HMGA2: variants seen among roughly 807,000 people sequenced by gnomAD.
The protein encoded by HMGA2 is high mobility group protein HMGI-C.
In HMGA2, 8 loss-of-function variants were observed where a neutral mutation model predicts 19.1. That is an observed-to-expected ratio of 0.42 (90% confidence interval 0.25 to 0.76). HMGA2 has a LOEUF of 0.76. HMGA2 is among the 30% of genes least tolerant of loss of function. HMGA2 has a pLI of 0.28. For missense variants in HMGA2, 109 were observed against 136.3 expected (o/e 0.80, Z 1.00); for synonymous variants, 60 against 48.8 (o/e 1.23, Z -0.96).
At chr12:65,949,768 C>A (rs961902208) in intron 3 of HMGA2, among the ~76,000 whole-genome samples, 1 of 152,142 alleles carries the variant, frequency 6.6e-6, no homozygotes, top group East Asian at 1.9e-4. Flanking sequence ...CATGATACCA[C>A]GAAGAAACTG....
chr12:65,876,236 AT>A lies in HMGA2; in HGVS notation c.249+37668del, dbSNP rs1873021240. Among the ~76,000 whole-genome samples, 3 of 151,528 alleles carry A rather than the reference AT, an allele frequency of 2.0e-5. No homozygotes were observed. In the South Asian group the frequency reaches 6.3e-4, roughly 32 times the overall value. ...TAAGGCCTGTTTTTTCAAAAAAAAAATGTATATATAGAAAAAAAAATAGAAG... is the reference window on the plus strand; with the variant it reads ...TAAGGCCTGTTTTTTCAAAAAAAAAAGTATATATAGAAAAAAAAATAGAAG... On this transcript the variant is annotated intron_variant, in intron 3 of 4. Transcript: ENST00000403681.
intron 3 of HMGA2, among the ~76,000 whole-genome samples, chr12:65,938,397 T>G (rs1875969314): frequency 6.6e-6 from 1 of 152,192 alleles, no homozygotes; most frequent in Admixed American, 6.5e-5. Context: ...GGTGGGCTAT[T>G]TGAGACTCAT....
At chr12:65,827,280 A>G (rs2258238) in intron 1 of HMGA2, among the ~76,000 whole-genome samples, 4 of 152,080 alleles carry the variant, frequency 2.6e-5, no homozygotes, top group Non-Finnish European at 4.4e-5. Flanking sequence ...TTTGAAGAAA[A>G]TATGTTTATT....
At chr12:65,898,885 A>G (rs1266825460) in intron 3 of HMGA2, among the ~76,000 whole-genome samples, 1 of 152,002 alleles carries the variant, frequency 6.6e-6, no homozygotes, top group Non-Finnish European at 1.5e-5. Context: ...TCTACTAAAA[A>G]TACAAAAAAT....
At chr12:65,905,182 TCA>T (rs139108942) in intron 3 of HMGA2, among the ~76,000 whole-genome samples, 84 of 149,120 alleles carry the variant, frequency 5.6e-4, no homozygotes, top group East Asian at 3.1e-3. Flanking sequence ...ATTGACTTTA[TCA>T]CACACACACA....
Position 65,824,713 on chromosome 12 carries a change from T to TTCTCTCTCTCTCTCTCTCTCTCTGTC in HMGA2, c.-535_-534insGTCTCTCTCTCTCTCTCTCTCTCTCT, listed in dbSNP as rs1870024401. 5 of 129,218 alleles carry TTCTCTCTCTCTCTCTCTCTCTCTGTC rather than the reference T, an allele frequency of 3.9e-5. No homozygotes were observed. Among genetic ancestry groups the TTCTCTCTCTCTCTCTCTCTCTCTGTC allele is most frequent in the African/African-American group, 1.4e-4 (4 of 28,692 alleles). 8.0% of individuals were successfully genotyped at this position (129,218 alleles called of 1,614,324 possible). On this transcript the variant is annotated 5_prime_UTR_variant, in exon 1 of 5. Transcript: ENST00000403681. ...CCAAGGCACTTTCAATCTCAATCTCTTCTCTCTCTCTCTCTCTCTCTCTCT... is the reference window on the plus strand; with the variant it reads ...CCAAGGCACTTTCAATCTCAATCTCTTCTCTCTCTCTCTCTCTCTCTCTGTCTCTCTCTCTCTCTCTCTCTCTCTCT...
At chr12:65,855,954 A>C (rs1871721202) in intron 3 of HMGA2, 1 of 151,680 alleles carries the variant, frequency 6.6e-6, no homozygotes, top group South Asian at 2.1e-4. Context: ...ATTACAAGTG[A>C]TATTCTTTAT....
chr12:65,960,110 C>T (rs965511648), intron 4 of HMGA2, among the ~76,000 whole-genome samples: 1 of 152,116 alleles, frequency 6.6e-6, no homozygotes, highest in Non-Finnish European at 1.5e-5. Context: ...AGGATGGTCT[C>T]GATCTCCTGA....
At chr12:65,862,716 T>C (rs1033741136) in intron 3 of HMGA2, among the ~76,000 whole-genome samples, 3 of 152,164 alleles carry the variant, frequency 2.0e-5, no homozygotes, top group Admixed American at 6.5e-5. Context: ...ACTCATGTAC[T>C]TAGTGTGTGT....
intron 3 of HMGA2, among the ~76,000 whole-genome samples, chr12:65,877,777 GT>G (rs971782514): frequency 8.0e-4 from 117 of 146,550 alleles, no homozygotes; most frequent in African/African-American, 2.2e-3. Context: ...GACCTGCCTG[GT>G]TTTTTTTTTA....
In HMGA2 at chr12:65,857,681, C is replaced by A. The variant is rs193253276; in HGVS notation, c.249+19112C>A. Reference sequence around the variant, plus strand: ...ATTTGGGAGGAAATTTCCAAATAACCTTTATTTGCACCTTAAAAAAATAGT... The same window carrying A: ...ATTTGGGAGGAAATTTCCAAATAACATTTATTTGCACCTTAAAAAAATAGT... On this transcript the variant is annotated intron_variant, in intron 3 of 4. Coordinates refer to ENST00000403681, the MANE Select transcript of HMGA2 (RefSeq NM_003483.6). The A allele has an allele frequency of 2.2e-4, 34 of 152,252 alleles. 1 individual carries two copies. The highest frequency in any genetic ancestry group is 8.2e-4 in the African/African-American group (34 of 41,556). The allele number at this position is 152,252 out of a possible 1,614,324, so 9.4% of individuals were successfully genotyped here.
intron 3 of HMGA2, among the ~76,000 whole-genome samples, chr12:65,850,567 T>C (rs1871420060): frequency 6.6e-6 from 1 of 151,948 alleles, no homozygotes; most frequent in Non-Finnish European, 1.5e-5. Context: ...ATTGTAATAA[T>C]GTGGTAAGTA....
At chr12:65,956,246 A>C (rs145392196) in intron 4 of HMGA2, 297 of 152,350 alleles carry the variant, frequency 1.9e-3, no homozygotes, top group African/African-American at 6.4e-3. Flanking sequence ...CTAGTAAAAC[A>C]TCTTGTGGGC....
intron 3 of HMGA2, among the ~76,000 whole-genome samples, chr12:65,840,092 G>A (rs993833711): frequency 9.2e-5 from 14 of 151,970 alleles, no homozygotes; most frequent in Non-Finnish European, 1.5e-4. Flanking sequence ...ATGTTTGTTC[G>A]TTAATCTTTT....
At chr12:65,930,184 G>C (rs1481465291) in intron 3 of HMGA2, among the ~76,000 whole-genome samples, 14 of 152,184 alleles carry the variant, frequency 9.2e-5, no homozygotes, top group Admixed American at 9.2e-4. Flanking sequence ...CTGTGAGCTA[G>C]ACAGTAGGAA....
chr12:65,877,919 T>C (rs1283171295), intron 3 of HMGA2, among the ~76,000 whole-genome samples: 1 of 152,194 alleles, frequency 6.6e-6, no homozygotes, highest in Non-Finnish European at 1.5e-5. Flanking sequence ...TTTCCTTTTG[T>C]GAAAATTTTT....
At chr12:65,912,665 A>G (rs1405214098) in intron 3 of HMGA2, among the ~76,000 whole-genome samples, 1 of 152,208 alleles carries the variant, frequency 6.6e-6, no homozygotes, top group Admixed American at 6.5e-5. Context: ...GCCAACACTC[A>G]GAATGTGATT....
intron 3 of HMGA2, among the ~76,000 whole-genome samples, chr12:65,845,937 C>G (rs2446768): frequency 0.32 from 48,165 of 152,146 alleles, 11,677 homozygotes; most frequent in African/African-American, 0.67. Flanking sequence ...TGTTTTCTCT[C>G]CTCCCCCCTG....
At position 65,931,551 on chromosome 12, in the gene HMGA2, T is replaced by TTGTGTGTGTGTG. The variant is rs60877869; in HGVS notation, c.250-19804_250-19793dup. On this transcript the variant is annotated intron_variant, in intron 3 of 4. Coordinates refer to ENST00000403681, the MANE Select transcript of HMGA2 (RefSeq NM_003483.6). ...ACCCAGGAGCTAAGTTTATAGATGT[T>TTGTGTGTGTGTG]TGTGTGTGTGTGTGTGTGTGTGTGT... Among the ~76,000 whole-genome samples, 553 of 144,224 alleles carry TTGTGTGTGTGTG rather than the reference T, an allele frequency of 3.8e-3. 1 individual carries two copies. Among genetic ancestry groups the TTGTGTGTGTGTG allele is most frequent in the Middle Eastern group, 0.011 (3 of 278 alleles). 94.6% of individuals were successfully genotyped at this position (144,224 alleles called of 152,430 possible). A position where few individuals can be genotyped will look rare whatever the true frequency, so the allele number is the denominator to read the frequency against.
Sources: allele counts gnomAD v4.1 joint callset (sites outside exome capture counted in the v4.1 genomes callset), GRCh38; gene constraint gnomAD v4.1.1; transcripts MANE v1.5; gene names NCBI Gene and HGNC (gene_info 2026-07-23, HGNC 2026-07-21).